The following MYH11 variants were observed in gnomAD, a reference collection of about 807,000 sequenced individuals.
The protein encoded by MYH11 is myosin-11.
A neutral mutation model predicts 246.6 loss-of-function variants in MYH11; 80 were observed. The ratio of observed to expected loss-of-function variants is 0.32; its 90% CI spans 0.27 to 0.39. MYH11 has a LOEUF of 0.39. MYH11 is among the 10% of genes least tolerant of loss of function. The probability of loss-of-function intolerance (pLI) is 1.00; values close to 1 mark genes in which losing one functional copy is unlikely to be tolerated. For missense variants in MYH11, 2,158 were observed against 2,546.8 expected (o/e 0.85, Z 3.29); for synonymous variants, 1,071 against 1,015.5 (o/e 1.05, Z -1.04).
chr16:15,776,219 T>C, intron 7 of MYH11, 43 bp from the exon 8 acceptor site: 1 of 1,344,748 alleles, frequency 7.4e-7, no homozygotes, highest in East Asian at 2.3e-5. Context: ...ACTGCGGGTG[T>C]TCCTCTGGTC....
At chr16:15,755,276 T>C (rs989552683) in intron 14 of MYH11, among the ~76,000 whole-genome samples, 2 of 152,174 alleles carry the variant, frequency 1.3e-5, no homozygotes, top group Admixed American at 1.3e-4. Context: ...CAAGGGCCTA[T>C]ACAATAACAG....
At chr16:15,723,896 A>G (rs368697934) in intron 31 of MYH11, among the ~76,000 whole-genome samples, 2 of 152,354 alleles carry the variant, frequency 1.3e-5, no homozygotes, top group African/African-American at 4.8e-5. Context: ...CTAGAAACTA[A>G]GGCATCACCA....
At chr16:15,726,701 G>T (rs559191318) in intron 28 of MYH11, 147 bp downstream of exon 28, 1 of 920,366 alleles carries the variant, frequency 1.1e-6, no homozygotes, top group East Asian at 2.6e-5. Context: ...TGAACAGGGA[G>T]ATCATCGCCT....
Position 15,837,206 on chromosome 16 carries a change from T to A in MYH11, c.345+702A>T, listed in dbSNP as rs74009456. ...TCCCTAAAACCTAGCCACATCCTCATGTCTCCTACCCACCTGGCTGCCAAG... is the reference window on the plus strand; with the variant it reads ...TCCCTAAAACCTAGCCACATCCTCAAGTCTCCTACCCACCTGGCTGCCAAG... On this transcript the variant is annotated intron_variant, in intron 2 of 40. Transcript: ENST00000300036. Among the ~76,000 whole-genome samples the A allele has an allele frequency of 4.8e-3, 730 of 152,262 alleles. 4 individuals are homozygous for A. The highest frequency in any genetic ancestry group is 0.016 in the African/African-American group (657 of 41,548).
In MYH11 at chr16:15,728,879, G is replaced by A. The variant is rs529823037; in HGVS notation, c.3652-1825C>T. Among the ~76,000 whole-genome samples the A allele has an allele frequency of 2.4e-4, 37 of 151,924 alleles. 1 individual carries two copies. In the South Asian group the frequency reaches 7.1e-3, roughly 29 times the overall value. ...CCCGCCAGTGCACTCCAGCCTGGGC[G>A]ACAGAGTGAGACTTTGTCTCAAAAA... On this transcript the variant is annotated intron_variant, in intron 27 of 40. Coordinates refer to ENST00000300036, the MANE Select transcript of MYH11 (RefSeq NM_002474.3).
chr16:15,717,161 T>C lies in MYH11; in HGVS notation c.5483A>G (p.Glu1828Gly). ...ATACCTGGCCTCCTGCTCGACCTGC[T>C]CCTCCAGCTGTGCAATCTTGGCCTC... ...ALEAKIAQLEEQVEQEAREKQ... is the reference protein window; with the variant it reads ...ALEAKIAQLEGQVEQEAREKQ... Residue 1828 changes from glutamate to glycine, a missense_variant, in exon 38 of 41, where the codon GAG becomes GGG. This residue lies in a region of MYH11 where 1,013 missense variants were observed against 993.5 expected (regional missense o/e 1.02). Coordinates refer to ENST00000300036, the MANE Select transcript of MYH11 (RefSeq NM_002474.3). The C allele has an allele frequency of 6.2e-7, 1 of 1,614,160 alleles. No homozygotes were observed. Among genetic ancestry groups the C allele is most frequent in the East Asian group, 2.2e-5 (1 of 44,874 alleles).
Position 15,750,020 on chromosome 16 carries a change from C to T in MYH11, c.2058+118G>A. ...GGGTCTGAGATTCAGATAGCCTTCCCCACATGGAAAATGGGGTCCTCGGGG... is the reference window on the plus strand; with the variant it reads ...GGGTCTGAGATTCAGATAGCCTTCCTCACATGGAAAATGGGGTCCTCGGGG... On this transcript the variant is annotated intron_variant, in intron 16 of 40. Transcript: ENST00000300036. This position sits in a 1 kb window ranked among gnomAD's most constrained non-coding sequence, Gnocchi z 4.3. The T allele has an allele frequency of 2.4e-6, 3 of 1,251,940 alleles. No individual in the cohort carries two copies. The South Asian group carries it at 4.0e-5, about 17-fold the overall frequency. The allele number at this position is 1,251,940 out of a possible 1,614,324, so 77.6% of individuals were successfully genotyped here.
chr16:15,798,685 G>A lies in MYH11; in HGVS notation c.505C>T (p.Arg169Trp), dbSNP rs767290755. 13 of 1,610,164 alleles carry A rather than the reference G, an allele frequency of 8.1e-6. No individual in the cohort carries two copies. Among genetic ancestry groups the A allele is most frequent in the South Asian group, 3.3e-5 (3 of 90,852 alleles). Residue 169 changes from arginine (R) to tryptophan (W), a missense_variant and splice_region_variant, in exon 4 of 41, where the codon CGG (arginine) becomes TGG (tryptophan). Arg to Trp is a moderately radical substitution (Grantham distance 101). Coordinates refer to ENST00000300036, the MANE Select transcript of MYH11 (RefSeq NM_002474.3). ...GTGCATAGAATGGACTGGTCCTCCC[G>A]ATCTGCAAACAGAAAGAAGAAAAAA... Reference protein sequence around the residue: ...DTAYRSMLQDREDQSILCTGE... With the variant: ...DTAYRSMLQDWEDQSILCTGE...
Position 15,759,734 on chromosome 16 carries a change from G to A in MYH11, c.1249-6C>T. The A allele has an allele frequency of 6.2e-7, 1 of 1,614,024 alleles. No individual in the cohort carries two copies. Among genetic ancestry groups the A allele is most frequent in the South Asian group, 1.1e-5 (1 of 91,080 alleles). On this transcript the variant is annotated splice_region_variant and splice_polypyrimidine_tract_variant and intron_variant, in intron 11 of 40. Transcript: ENST00000300036. ...GCCTCTACAGCAAAGTCAGCCTGCA[G>A]AGGGCAACCAGGGGAACCCGGTTAT...
chr16:15,739,785 A>C (rs1201817788), intron 23 of MYH11, among the ~76,000 whole-genome samples: 2 of 151,206 alleles, frequency 1.3e-5, no homozygotes, highest in African/African-American at 2.4e-5. Flanking sequence ...TCTGTCACCC[A>C]GGCTGCAGTG....
At chr16:15,853,782 G>C (rs1465789076) in intron 1 of MYH11, among the ~76,000 whole-genome samples, 1 of 152,118 alleles carries the variant, frequency 6.6e-6, no homozygotes, top group East Asian at 1.9e-4. Context: ...GAGCACTTTG[G>C]GAGACCAAGC....
intron 31 of MYH11, among the ~76,000 whole-genome samples, chr16:15,723,945 A>G (rs1344595971): frequency 6.6e-6 from 1 of 152,190 alleles, no homozygotes; most frequent in African/African-American, 2.4e-5. Context: ...TACCCAGAAA[A>G]GTCACAGTCA....
intron 3 of MYH11, among the ~76,000 whole-genome samples, chr16:15,814,685 C>T (rs2043223808): frequency 6.7e-6 from 1 of 150,302 alleles, no homozygotes; most frequent in African/African-American, 2.4e-5. Context: ...CAGAAACTGG[C>T]AATGCCAGGG....
intron 31 of MYH11, 36 bp downstream of exon 31, chr16:15,724,125 C>G: frequency 1.2e-6 from 2 of 1,611,528 alleles, no homozygotes; most frequent in Non-Finnish European, 1.7e-6. Flanking sequence ...AACCCAGCGT[C>G]CATGGCCAGA....
intron 40 of MYH11, among the ~76,000 whole-genome samples, chr16:15,712,042 G>A (rs2039829653): frequency 6.6e-6 from 1 of 152,124 alleles, no homozygotes; most frequent in Non-Finnish European, 1.5e-5. Context: ...TAGATGGGAT[G>A]TGGGGTATAA....
In MYH11 at chr16:15,704,722, G is replaced by GC. The variant is rs149291068; in HGVS notation, c.5787-600_5787-599insG. 4.3e-3 allele frequency among the ~76,000 whole-genome samples: 650 copies of GC among 152,350 alleles called. 1 individual carries two copies. The highest frequency in any genetic ancestry group is 0.013 in the African/African-American group (548 of 41,584). On this transcript the variant is annotated intron_variant, in intron 40 of 40. Transcript: ENST00000300036. The stretch of plus-strand genomic sequence containing the variant: ...CTGCTGGTGTGAATGTTCATGGACT[G>GC]AGTTTTCCCCACTGCAGGGACTGCT...
At chr16:15,783,619 A>C (rs541004154) in intron 5 of MYH11, 1 of 152,228 alleles carries the variant, frequency 6.6e-6, no homozygotes, top group Non-Finnish European at 1.5e-5. Context: ...TACAAGGAGC[A>C]CCACGGGCAT....
intron 3 of MYH11, among the ~76,000 whole-genome samples, chr16:15,809,143 G>A (rs1457637821): frequency 6.6e-6 from 1 of 152,040 alleles, no homozygotes; most frequent in East Asian, 1.9e-4. Flanking sequence ...CCACTCTCTG[G>A]ACCTCCTCTA....
intron 2 of MYH11, among the ~76,000 whole-genome samples, chr16:15,834,914 T>TTG (rs1416161665): frequency 2.0e-5 from 3 of 149,612 alleles, no homozygotes; most frequent in African/African-American, 7.4e-5. Flanking sequence ...TACAGAAGTT[T>TTG]TTTTTTTTTT....
Sources: gnomAD v4.1 joint callset for allele counts (sites outside exome capture counted in the v4.1 genomes callset) on GRCh38, gnomAD v4.1.1 for gene constraint, gnomAD v4.1.1 regional missense constraint, Gnocchi (gnomAD v3.1) non-coding constraint, MANE v1.5 for transcripts, NCBI Gene and HGNC (gene_info 2026-07-23, HGNC 2026-07-21) for gene names.